NXN: variants seen among roughly 807,000 people sequenced by gnomAD.
NXN encodes nucleoredoxin 1.
A neutral mutation model predicts 48.6 loss-of-function variants in NXN; 16 were observed. The ratio of observed to expected loss-of-function variants is 0.33; its 90% confidence interval spans 0.22 to 0.50. The LOEUF is 0.50. NXN is among the 20% of genes least tolerant of loss of function. The pLI, the probability that NXN is intolerant of heterozygous loss-of-function variation, is 0.98. For synonymous variants in NXN, 281 were observed against 269.6 expected (o/e 1.04, Z -0.41); for missense variants, 492 against 605.5 (o/e 0.81, Z 1.97).
In NXN at chr17:825,328, T is replaced by C. The variant is rs181117574; in HGVS notation, c.478+633A>G. ...GTGGCATTTTTACTGGGAAAATGTG[T>C]GAGCGGGGTTGAATCTTCTCACTGG... On this transcript the variant is annotated intron_variant, in intron 2 of 7. Coordinates refer to ENST00000336868, the MANE Select transcript of NXN (RefSeq NM_022463.5). The surrounding 1 kb of genome is among the most constrained non-coding windows in gnomAD (Gnocchi z 4.1). Among the ~76,000 whole-genome samples, 1 of 152,058 alleles carries C rather than the reference T, an allele frequency of 6.6e-6. No individual in the cohort carries two copies.
chr17:842,429 G>A, intron 1 of NXN: 1 of 763,936 alleles, frequency 1.3e-6, no homozygotes, highest in Non-Finnish European at 1.6e-6. Context: ...GGGTCCGGCT[G>A]TGGGCTGCAG....
chr17:931,834 CAA>C lies in NXN; in HGVS notation c.360+47483_360+47484del, dbSNP rs34072582. 1.9e-3 allele frequency among the ~76,000 whole-genome samples: 170 copies of C among 88,404 alleles called. No individual in the cohort carries two copies. The East Asian group carries it at 0.026, about 13-fold the overall frequency. 58.0% of individuals were successfully genotyped at this position (88,404 alleles called of 152,430 possible). A position where few individuals can be genotyped will look rare whatever the true frequency, so the allele number is the denominator to read the frequency against. Reference sequence around the variant, plus strand: ...TGGGCGACAGAGTAAGACTCCGTCTCAAAAAAAAAAAAAAAAAAAAAATTTTT... The same window carrying C: ...TGGGCGACAGAGTAAGACTCCGTCTCAAAAAAAAAAAAAAAAAAAATTTTT... On this transcript the variant is annotated intron_variant, in intron 1 of 7. Transcript: ENST00000336868.
At chr17:841,610 AGAGCATCTCACACG>A in intron 1 of NXN, among the ~76,000 whole-genome samples, 1 of 9,692 alleles carries the variant, frequency 1.0e-4, no homozygotes, top group Non-Finnish European at 1.8e-4. Flanking sequence ...CCCCGACCAC[AGAGCATCTCACACG>A]GGCAAGCAGG....
At chr17:826,654 T>C (rs1039838118) in intron 1 of NXN, among the ~76,000 whole-genome samples, 3 of 152,136 alleles carry the variant, frequency 2.0e-5, no homozygotes, top group African/African-American at 7.2e-5. Flanking sequence ...GGCCACGGAG[T>C]TAACATCTGC....
In NXN at chr17:836,121, G is replaced by A. The variant is rs558770343; in HGVS notation, c.361-10043C>T. ...GGATTCGTCAGCCCCCACAGAGGCC[G>A]CAGGGGAAAAACACCGGTGGGATTC... On this transcript the variant is annotated intron_variant, in intron 1 of 7. Transcript: ENST00000336868. Among the ~76,000 whole-genome samples, 5 of 140,200 alleles carry A rather than the reference G, an allele frequency of 3.6e-5. 1 individual carries two copies. The highest frequency in any genetic ancestry group is 1.4e-4 in the Admixed American group (2 of 14,304). 92.0% of individuals were successfully genotyped at this position (140,200 alleles called of 152,430 possible). A position where few individuals can be genotyped will look rare whatever the true frequency, so the allele number is the denominator to read the frequency against.
At position 849,249 on chromosome 17, in the gene NXN, C is replaced by A. The variant is rs940119410; in HGVS notation, c.361-23171G>T. On this transcript the variant is annotated intron_variant, in intron 1 of 7. Coordinates refer to ENST00000336868, the MANE Select transcript of NXN (RefSeq NM_022463.5). The surrounding 1 kb of genome is among the most constrained non-coding windows in gnomAD (Gnocchi z 4.2). ...ACGGATTCACTAAGACCAGAGCTTC[C>A]CAGCTGGGCGCAGTGGCTCACGCCT... 1.1e-4 allele frequency among the ~76,000 whole-genome samples: 16 copies of A among 152,140 alleles called. No homozygotes were observed. The highest frequency in any genetic ancestry group is 3.6e-4 in the African/African-American group (15 of 41,540).
intron 1 of NXN, among the ~76,000 whole-genome samples, chr17:869,273 C>G (rs906901255): frequency 6.6e-6 from 1 of 152,264 alleles, no homozygotes; most frequent in South Asian, 2.1e-4. Context: ...AAGGCCAGCA[C>G]GGCTTAAGAG....
At chr17:818,025 G>A (rs545955419) in intron 5 of NXN, among the ~76,000 whole-genome samples, 9 of 152,250 alleles carry the variant, frequency 5.9e-5, no homozygotes, top group South Asian at 2.1e-4. Flanking sequence ...TTGGGAGGCC[G>A]AGGCGGGTGG....
intron 1 of NXN, among the ~76,000 whole-genome samples, chr17:869,028 T>G (rs1298263671): frequency 6.6e-6 from 1 of 152,204 alleles, no homozygotes; most frequent in Non-Finnish European, 1.5e-5. Flanking sequence ...TTTCTATCAC[T>G]GCAGACGCCA....
chr17:925,925 G>C (rs1319949091), intron 1 of NXN, among the ~76,000 whole-genome samples: 1 of 152,196 alleles, frequency 6.6e-6, no homozygotes, highest in Admixed American at 6.5e-5. Context: ...CTGGCTAAGA[G>C]CTATCACTTC....
chr17:963,151 T>C (rs2069257397), intron 1 of NXN, among the ~76,000 whole-genome samples: 1 of 147,266 alleles, frequency 6.8e-6, no homozygotes, highest in Admixed American at 6.8e-5. Flanking sequence ...TAGCCGAGGA[T>C]ATAACCAAGA....
intron 1 of NXN, among the ~76,000 whole-genome samples, chr17:973,217 G>A (rs927368218): frequency 5.9e-5 from 9 of 152,146 alleles, no homozygotes; most frequent in African/African-American, 2.2e-4. Flanking sequence ...ATGCCTACAT[G>A]TCTGAGCAAA....
At chr17:937,080 T>C (rs2068915970) in intron 1 of NXN, among the ~76,000 whole-genome samples, 1 of 151,884 alleles carries the variant, frequency 6.6e-6, no homozygotes, top group African/African-American at 2.4e-5. Flanking sequence ...CCTCCCGGGC[T>C]CAAGTGATCC....
Position 892,632 on chromosome 17 carries a change from G to A in NXN, c.361-66554C>T, listed in dbSNP as rs904743097. Among the ~76,000 whole-genome samples the A allele has an allele frequency of 9.2e-5, 14 of 152,232 alleles. 1 individual carries two copies. Among genetic ancestry groups the A allele is most frequent in the East Asian group, 3.9e-4 (2 of 5,174 alleles). The stretch of plus-strand genomic sequence containing the variant: ...TGCTGACACTTTGCTGGGAAGGGGC[G>A]GGGCGGGGTGGGGTGTGTGGGGGGG... On this transcript the variant is annotated intron_variant, in intron 1 of 7. Transcript: ENST00000336868.
chr17:804,079 A>G (rs1911351544), intron 6 of NXN: 1 of 404,418 alleles, frequency 2.5e-6, no homozygotes, highest in South Asian at 3.5e-5. Flanking sequence ...CCAGGTAGAC[A>G]GTCTTCCCAT....
At chr17:809,893 G>A (rs1485418393) in intron 5 of NXN, among the ~76,000 whole-genome samples, 1 of 149,534 alleles carries the variant, frequency 6.7e-6, no homozygotes, top group South Asian at 2.2e-4. Flanking sequence ...TGTACGTTAA[G>A]AGTCCCTGTG....
intron 1 of NXN, among the ~76,000 whole-genome samples, chr17:833,411 C>A (rs866925523): frequency 1.3e-5 from 2 of 152,032 alleles, no homozygotes; most frequent in East Asian, 1.9e-4. Flanking sequence ...GAGTGACTTG[C>A]GGATTCACTT....
intron 1 of NXN, among the ~76,000 whole-genome samples, chr17:836,388 C>T (rs1404780875): frequency 6.6e-6 from 1 of 152,210 alleles, no homozygotes; most frequent in Admixed American, 6.5e-5. Flanking sequence ...CTCGGGCAAA[C>T]GTCACCCCTG....
chr17:873,241 A>T (rs2068178067), intron 1 of NXN, among the ~76,000 whole-genome samples: 1 of 152,038 alleles, frequency 6.6e-6, no homozygotes, highest in South Asian at 2.1e-4. Flanking sequence ...TCACGCCTGT[A>T]ATCCCAGCAC....
Sources: gnomAD v4.1 joint callset for allele counts (sites outside exome capture counted in the v4.1 genomes callset) on GRCh38, gnomAD v4.1.1 for gene constraint, Gnocchi (gnomAD v3.1) non-coding constraint, MANE v1.5 for transcripts, NCBI Gene and HGNC (gene_info 2026-07-23, HGNC 2026-07-21) for gene names.